NCOA3: variants seen among roughly 807,000 people sequenced by gnomAD.
The protein encoded by NCOA3 is CBP-interacting protein.
NCOA3 carries 51 observed loss-of-function variants against 158.8 expected under a neutral mutation model. That is an observed-to-expected ratio of 0.32 (90% CI 0.26 to 0.41). The LOEUF (loss-of-function observed/expected upper bound fraction) is 0.41. Among genes scored for constraint, NCOA3 ranks in the 10% least tolerant of loss-of-function variants. NCOA3 has a pLI of 1.00. For synonymous variants in NCOA3, 537 were observed against 592.4 expected (o/e 0.91, Z 1.36); for missense variants, 1,510 against 1,746.6 (o/e 0.86, Z 2.41).
chr20:47,601,591 CT>C (rs138331553), intron 2 of NCOA3, among the ~76,000 whole-genome samples: 10,345 of 152,240 alleles, frequency 0.068, 452 homozygotes, highest in Non-Finnish European at 0.097. Flanking sequence ...GTTTGTATCA[CT>C]GTTATAAATG....
chr20:47,560,809 G>C (rs915607512), intron 1 of NCOA3, among the ~76,000 whole-genome samples: 1 of 151,792 alleles, frequency 6.6e-6, no homozygotes, highest in Non-Finnish European at 1.5e-5. Flanking sequence ...TTTTTCTCAC[G>C]ATCTGGCTTG....
intron 1 of NCOA3, among the ~76,000 whole-genome samples, chr20:47,525,500 A>G (rs1411006452): frequency 4.0e-4 from 55 of 136,318 alleles, no homozygotes; most frequent in African/African-American, 1.1e-3. Flanking sequence ...TCACTTCCCA[A>G]TAGGGGCGGC....
At chr20:47,613,926 A>G (rs569440717) in intron 2 of NCOA3, among the ~76,000 whole-genome samples, 2 of 152,000 alleles carry the variant, frequency 1.3e-5, no homozygotes, top group Admixed American at 6.6e-5. Flanking sequence ...AAAAATTAAA[A>G]AAAATTTTCT....
intron 1 of NCOA3, among the ~76,000 whole-genome samples, chr20:47,522,099 CTTTTTTT>C (rs772811888): frequency 3.1e-4 from 24 of 76,836 alleles, no homozygotes; most frequent in Admixed American, 5.2e-4. Flanking sequence ...TTGTACAGAT[CTTTTTTT>C]TTTTTTTTTT....
intron 1 of NCOA3, among the ~76,000 whole-genome samples, chr20:47,566,969 T>G (rs2085204573): frequency 6.6e-6 from 1 of 151,888 alleles, no homozygotes; most frequent in African/African-American, 2.4e-5. Context: ...AAGAAGAAAT[T>G]TAAAAAAGTA....
At chr20:47,609,654 G>A (rs1472606851) in intron 2 of NCOA3, among the ~76,000 whole-genome samples, 7 of 151,722 alleles carry the variant, frequency 4.6e-5, no homozygotes, top group Non-Finnish European at 7.4e-5. Flanking sequence ...CCTTGAACTC[G>A]GGAGGCAGAG....
chr20:47,630,709 A>C (rs921959094), intron 8 of NCOA3: 2 of 151,546 alleles, frequency 1.3e-5, no homozygotes, highest in Admixed American at 6.6e-5. Context: ...TGATCCACCC[A>C]CCTCGGCCTC....
intron 20 of NCOA3, among the ~76,000 whole-genome samples, chr20:47,651,671 A>AT (rs964099333): frequency 1.1e-4 from 16 of 148,730 alleles, no homozygotes; most frequent in South Asian, 2.2e-4. Flanking sequence ...TGGATTTATT[A>AT]TTTTTTTTTT....
At position 47,653,591 on chromosome 20, in the gene NCOA3, G is replaced by T; in HGVS notation, c.*174G>T. On this transcript the variant is annotated 3_prime_UTR_variant, in exon 23 of 23. Coordinates refer to ENST00000371998, the MANE Select transcript of NCOA3 (RefSeq NM_181659.3). ...GAGCAGGACTGGATTTTAAGCCGAA[G>T]GGCAATATCTACGTGTTTTTCCCCC... The T allele has an allele frequency of 1.3e-6, 1 of 753,822 alleles. No individual in the cohort carries two copies. Among genetic ancestry groups the T allele is most frequent in the Non-Finnish European group, 2.2e-6 (1 of 451,596 alleles). 46.7% of individuals were successfully genotyped at this position (753,822 alleles called of 1,614,324 possible).
chr20:47,635,078 G>C (rs2086488903), intron 10 of NCOA3, among the ~76,000 whole-genome samples: 1 of 151,854 alleles, frequency 6.6e-6, no homozygotes, highest in Non-Finnish European at 1.5e-5. Context: ...AGAGATGTGT[G>C]TCACTATGCC....
At chr20:47,508,835 C>T (rs6066368) in intron 1 of NCOA3, among the ~76,000 whole-genome samples, 2 of 152,224 alleles carry the variant, frequency 1.3e-5, no homozygotes, top group South Asian at 2.1e-4. Context: ...GAAGACTTAC[C>T]TAGGGCAGAG....
intron 1 of NCOA3, among the ~76,000 whole-genome samples, chr20:47,570,392 G>A (rs1363120277): frequency 6.6e-6 from 1 of 152,154 alleles, no homozygotes; most frequent in South Asian, 2.1e-4. Context: ...AGTGAGCTGT[G>A]GTACGCCACT....
chr20:47,543,931 T>C (rs1335192392), intron 1 of NCOA3, among the ~76,000 whole-genome samples: 1 of 152,228 alleles, frequency 6.6e-6, no homozygotes, highest in East Asian at 1.9e-4. Context: ...GGTTTACTAG[T>C]ATTCTCCTGT....
Position 47,633,502 on chromosome 20 carries a change from T to C in NCOA3, c.830T>C (p.Val277Ala). The change falls in exon 9 of 23, where the codon GTT becomes GCT. Residue 277 changes from valine to alanine, a missense_variant. By Grantham distance (64) the Val-to-Ala change is moderately conservative (BLOSUM62 0). Coordinates refer to ENST00000371998, the MANE Select transcript of NCOA3 (RefSeq NM_181659.3). ...FITRHDLSGKVVNIDTNSLRS... is the reference protein window; with the variant it reads ...FITRHDLSGKAVNIDTNSLRS... ...TCCTTTTTTTGTTTAATAGGAAAGG[T>C]TGTCAATATAGATACAAATTCACTG... The C allele has an allele frequency of 6.2e-7, 1 of 1,606,174 alleles. No homozygotes were observed. The highest frequency in any genetic ancestry group is 1.1e-5 in the South Asian group (1 of 88,776).
At chr20:47,574,514 A>T (rs1172729798) in intron 1 of NCOA3, among the ~76,000 whole-genome samples, 10 of 151,252 alleles carry the variant, frequency 6.6e-5, no homozygotes, top group Non-Finnish European at 1.2e-4. Context: ...GCACAGAGGC[A>T]TAGTAATATT....
At chr20:47,585,926 GTT>G (rs61328257) in intron 2 of NCOA3, among the ~76,000 whole-genome samples, 28 of 135,536 alleles carry the variant, frequency 2.1e-4, no homozygotes, top group African/African-American at 4.1e-4. Flanking sequence ...ATCTCCACAG[GTT>G]TTTTTTTTTT....
intron 1 of NCOA3, among the ~76,000 whole-genome samples, chr20:47,560,764 A>G (rs1243398874): frequency 1.3e-5 from 2 of 152,020 alleles, no homozygotes; most frequent in East Asian, 1.9e-4. Context: ...AGCTCTTTAT[A>G]TATTTTGGAA....
rs183271832 is a variant in NCOA3, at chr20:47,642,457, C to A, written c.3252+73C>A. The A allele has an allele frequency of 2.1e-4, 228 of 1,065,078 alleles. 1 individual carries two copies. The highest frequency in any genetic ancestry group is 2.8e-4 in the Non-Finnish European group (221 of 796,182). 66.0% of individuals were successfully genotyped at this position (1,065,078 alleles called of 1,614,324 possible). A position where few individuals can be genotyped will look rare whatever the true frequency, so the allele number is the denominator to read the frequency against. On this transcript the variant is annotated intron_variant, in intron 17 of 22. Coordinates refer to ENST00000371998, the MANE Select transcript of NCOA3 (RefSeq NM_181659.3). ...GCGCGCGTACACATTCATGAAGCCA[C>A]ATACAAGAATGCCTGTGTGTGTCTC...
intron 10 of NCOA3, among the ~76,000 whole-genome samples, chr20:47,634,900 TTTC>T (rs376651469): frequency 2.8e-4 from 42 of 150,502 alleles, no homozygotes; most frequent in Middle Eastern, 7.0e-3. Context: ...CCCTTCTTCC[TTTC>T]TTCTTCTTCT....
Sources: gnomAD v4.1 joint callset for allele counts (sites outside exome capture counted in the v4.1 genomes callset) on GRCh38, gnomAD v4.1.1 for gene constraint, MANE v1.5 for transcripts, NCBI Gene and HGNC (gene_info 2026-07-23, HGNC 2026-07-21) for gene names.